The following MAP7D1 variants were observed in gnomAD, a reference collection of about 807,000 sequenced individuals.
The protein encoded by MAP7D1 is MAP7 domain-containing protein 1.
In MAP7D1, 30 loss-of-function variants were observed where a neutral mutation model predicts 97.5. That is an observed-to-expected ratio of 0.31 (90% CI 0.23 to 0.42). The LOEUF is 0.42. MAP7D1 is among the 10% of genes least tolerant of loss of function. The pLI is 1.00. For missense variants in MAP7D1, 1,184 were observed against 1,179.5 expected, an observed-to-expected ratio of 1.00 and a Z score of -0.06; for synonymous variants, 536 against 477.1, an observed-to-expected ratio of 1.12 and a Z score of -1.61.
chr1:36,178,137 G>C lies in MAP7D1; in HGVS notation c.1644G>C (p.Ser548=), dbSNP rs756685682. ...ESAAPASPAP[S]PAPSPTPAPP... ...CAGCCCCAGCCTCACCGGCACCTTC[G>C]CCGGCGCCCTCGCCCACCCCAGCCC... Residue 548 remains serine (S), a synonymous_variant, in exon 9 of 17, where the codon TCG becomes TCC. Coordinates refer to ENST00000474796, the MANE Select transcript of MAP7D1 (RefSeq NM_001388490.1). The C allele has an allele frequency of 6.3e-7, 1 of 1,584,526 alleles. No homozygotes were observed. Among genetic ancestry groups the C allele is most frequent in the South Asian group, 1.1e-5 (1 of 87,852 alleles).
chr1:36,178,380 C>T, intron 9 of MAP7D1, 39 bp from the exon 10 acceptor site: 3 of 1,587,500 alleles, frequency 1.9e-6, no homozygotes, highest in African/African-American at 1.3e-5. Context: ...GCGGTGTCTG[C>T]GTGGGTGTGC....
intron 4 of MAP7D1, 77 bp from the exon 5 acceptor site, chr1:36,173,287 G>A (rs573453080): frequency 1.9e-6 from 2 of 1,058,592 alleles, no homozygotes; most frequent in South Asian, 2.9e-5. Flanking sequence ...ATTGTCACAG[G>A]AGGAAGAAGG....
intron 4 of MAP7D1, 87 bp downstream of exon 4, chr1:36,172,714 G>A (rs764516417): frequency 1.5e-6 from 2 of 1,313,426 alleles, no homozygotes; most frequent in Non-Finnish European, 2.0e-6. Flanking sequence ...CATGTTCACG[G>A]CTCTGCCTTA....
intron 1 of MAP7D1, among the ~76,000 whole-genome samples, chr1:36,162,356 CT>C (rs1644424053): frequency 6.6e-6 from 1 of 152,230 alleles, no homozygotes. Context: ...GCACCCTTCA[CT>C]TTTGTGGGGG....
rs960980520 is a variant in MAP7D1, at chr1:36,171,394, C to A, written c.391+79C>A. On this transcript the variant is annotated intron_variant, in intron 2 of 16. Coordinates refer to ENST00000474796, the MANE Select transcript of MAP7D1 (RefSeq NM_001388490.1). ...CCTGGATCATGCCAACTGAAAGAGT[C>A]CTGTTTGCCCTAGAGGAGATAAAGA... 8 of 1,535,686 alleles carry A rather than the reference C, an allele frequency of 5.2e-6. No individual in the cohort carries two copies. The African/African-American group carries it at 8.2e-5, about 16-fold the overall frequency.
rs1248625008 is a variant in MAP7D1, at chr1:36,159,567, C to A, written c.46+3104C>A. ...AGAAGACCCAAGAAACAGGTGCAAC[C>A]GGCTATCCAGCACACCCATGCTGAT... On this transcript the variant is annotated intron_variant, in intron 1 of 16. Coordinates refer to ENST00000474796, the MANE Select transcript of MAP7D1 (RefSeq NM_001388490.1). This position sits in a 1 kb window ranked among gnomAD's most constrained non-coding sequence, Gnocchi z 5.4. Among the ~76,000 whole-genome samples, 1 of 152,160 alleles carries A rather than the reference C, an allele frequency of 6.6e-6. No individual in the cohort carries two copies. The highest frequency in any genetic ancestry group is 2.4e-5 in the African/African-American group (1 of 41,418).
Position 36,178,709 on chromosome 1 carries a change from ACGGGAGGCCGAGGCCCGGGCGGAG to A in MAP7D1, c.1920_1943del (p.Ala644_Arg651del), listed in dbSNP as rs1246896761. On this transcript the variant is annotated inframe_deletion, in exon 11 of 17. Transcript: ENST00000474796. ...GGCGAATGCGAGAGGAGCAGCTGGC[ACGGGAGGCCGAGGCCCGGGCGGAG>A]CGGGAGGCGGAGGCCCGGAGGCGGG... The A allele has an allele frequency of 6.5e-6, 10 of 1,534,734 alleles. No homozygotes were observed. In the East Asian group the frequency reaches 1.5e-4, roughly 23 times the overall value.
chr1:36,178,175 A>G lies in MAP7D1; in HGVS notation c.1682A>G (p.Glu561Gly), dbSNP rs1173740239. The change falls in exon 9 of 17, where the codon GAG (glutamate) becomes GGG (glycine). Residue 561 changes from glutamate (E) to glycine (G), a missense_variant. Transcript: ENST00000474796. ...CCCACCCCAGCCCCGCCCCAGAAGG[A>G]GCAGCCCCCCGCGGAGACCCCTACA... ...PSPTPAPPQK[E>G]QPPAETPTDA... is the part of the protein sequence containing the mutation. 4 of 1,507,064 alleles carry G rather than the reference A, an allele frequency of 2.7e-6. No individual in the cohort carries two copies. The highest frequency in any genetic ancestry group is 1.2e-5 in the South Asian group (1 of 85,082). The allele number at this position is 1,507,064 out of a possible 1,614,324, so 93.4% of individuals were successfully genotyped here.
intron 1 of MAP7D1, among the ~76,000 whole-genome samples, chr1:36,163,590 C>G (rs1356570551): frequency 1.3e-5 from 2 of 152,116 alleles, no homozygotes; most frequent in African/African-American, 4.8e-5. Context: ...TATTCAGGGT[C>G]AATAGTGTGC....
At chr1:36,178,355 C>T (rs550196672) in intron 9 of MAP7D1, 64 bp from the exon 10 acceptor site, 4 of 1,534,334 alleles carry the variant, frequency 2.6e-6, no homozygotes, top group East Asian at 4.6e-5. Context: ...GAACACAGGC[C>T]GCTGGGAGAT....
At chr1:36,162,584 G>A (rs527852172) in intron 1 of MAP7D1, among the ~76,000 whole-genome samples, 8 of 152,320 alleles carry the variant, frequency 5.3e-5, no homozygotes, top group African/African-American at 1.7e-4. Context: ...TGAAATGGGG[G>A]CCATCATAGA....
Position 36,175,779 on chromosome 1 carries a change from G to C in MAP7D1, c.851-420G>C, listed in dbSNP as rs181662664. Among the ~76,000 whole-genome samples the C allele has an allele frequency of 6.4e-3, 977 of 152,330 alleles. 1 individual carries two copies. The highest frequency in any genetic ancestry group is 0.01 in the Non-Finnish European group (708 of 68,032). ...GACTGCTAAAAGCTGGGTCAGAGGAGCACAAGGACCCTCACTGTCCTGAAT... is the reference window on the plus strand; with the variant it reads ...GACTGCTAAAAGCTGGGTCAGAGGACCACAAGGACCCTCACTGTCCTGAAT... On this transcript the variant is annotated intron_variant, in intron 6 of 16. Coordinates refer to ENST00000474796, the MANE Select transcript of MAP7D1 (RefSeq NM_001388490.1).
At chr1:36,173,525 G>A (rs1025471343) in intron 5 of MAP7D1, 47 bp downstream of exon 5, 4 of 1,428,076 alleles carry the variant, frequency 2.8e-6, no homozygotes, top group Non-Finnish European at 3.9e-6. Context: ...AGGCTGGGAT[G>A]GCAAGTAAGG....
At position 36,172,533 on chromosome 1, in the gene MAP7D1, A is replaced by G; in HGVS notation, c.530A>G (p.Glu177Gly). 1 of 1,602,640 alleles carries G rather than the reference A, an allele frequency of 6.2e-7. No individual in the cohort carries two copies. The highest frequency in any genetic ancestry group is 1.7e-5 in the Admixed American group (1 of 59,704). Residue 177 changes from glutamate to glycine, a missense_variant, in exon 4 of 17, where the codon GAG (glutamate) becomes GGG (glycine). By Grantham distance (98) the Glu-to-Gly change is moderately conservative. Transcript: ENST00000474796. ...GCGCTGCGGGAGAAGCAGCTCCAGG[A>G]GCGCCGGCGCCGGCTGGAGGAGCAA... ...AKALREKQLQ[E>G]RRRRLEEQRL... is the part of the protein sequence containing the mutation.
rs1479698148 is a variant in MAP7D1 at position 36,176,310 on chromosome 1, G to T, written c.962G>T (p.Gly321Val). 1.5e-5 allele frequency: 24 copies of T among 1,561,434 alleles called. No homozygotes were observed. The highest frequency in any genetic ancestry group is 1.6e-5 in the Non-Finnish European group (18 of 1,155,914). Reference protein sequence around the residue: ...SRSAVTLPRNGRDQGRGCDPG... With the variant: ...SRSAVTLPRNVRDQGRGCDPG... ...AGCGCGGTCACACTGCCCCGCAACG[G>T]CCGGGACCAGGGTAGGGGCTGCGAC... Residue 321 changes from glycine to valine, a missense_variant, in exon 7 of 17, where the codon GGC (glycine) becomes GTC (valine). By Grantham distance (109) the Gly-to-Val change is moderately radical (BLOSUM62 -3). Coordinates refer to ENST00000474796, the MANE Select transcript of MAP7D1 (RefSeq NM_001388490.1). The surrounding 1 kb of genome is among the most constrained non-coding windows in gnomAD (Gnocchi z 6.1).
At chr1:36,156,832 C>A (rs1486099164) in intron 1 of MAP7D1, among the ~76,000 whole-genome samples, 1 of 152,174 alleles carries the variant, frequency 6.6e-6, no homozygotes, top group African/African-American at 2.4e-5. Context: ...GGCTTCCGTC[C>A]CCTTCCCCAT....
Position 36,159,056 on chromosome 1 carries a change from T to TTATG in MAP7D1, c.46+2596_46+2597insGTAT, listed in dbSNP as rs1644375316. Among the ~76,000 whole-genome samples, 1 of 151,644 alleles carries TTATG rather than the reference T, an allele frequency of 6.6e-6. No individual in the cohort carries two copies. Among genetic ancestry groups the TTATG allele is most frequent in the Non-Finnish European group, 1.5e-5 (1 of 67,944 alleles). On this transcript the variant is annotated intron_variant, in intron 1 of 16. Coordinates refer to ENST00000474796, the MANE Select transcript of MAP7D1 (RefSeq NM_001388490.1). The surrounding 1 kb of genome is among the most constrained non-coding windows in gnomAD (Gnocchi z 5.4). ...ATTTGTTATTTATTTATTTATTTAT[T>TTATG]TATTTATTTATTTATTTTGAGACAG...
chr1:36,171,234 C>T lies in MAP7D1; in HGVS notation c.310C>T (p.Arg104Trp), dbSNP rs2296266. 2.8e-3 allele frequency: 4,458 copies of T among 1,610,352 alleles called. 87 individuals are homozygous for T. The East Asian group carries it at 0.039, about 14-fold the overall frequency. ...RGPTPPAMGPRDARPPRRSSQ... is the reference protein window; with the variant it reads ...RGPTPPAMGPWDARPPRRSSQ... ...ACCCACCCCACCAGCCATGGGCCCA[C>T]GGGATGCCAGACCTCCTCGAAGGAG... The change falls in exon 2 of 17, where the codon CGG becomes TGG. Residue 104 changes from arginine to tryptophan, a missense_variant. Coordinates refer to ENST00000474796, the MANE Select transcript of MAP7D1 (RefSeq NM_001388490.1).
chr1:36,178,788 G>A lies in MAP7D1; in HGVS notation c.1990G>A (p.Ala664Thr). Residue 664 changes from alanine (A) to threonine (T), a missense_variant, in exon 11 of 17, where the codon GCC (alanine) becomes ACC (threonine). Transcript: ENST00000474796. ...EEQEAREKAQ[A>T]EQEEQERLQK... ...GCAGGAGGCACGAGAGAAGGCGCAG[G>A]CCGAGCAGGAGGAGCAGGAGCGGCT... 1 of 1,547,558 alleles carries A rather than the reference G, an allele frequency of 6.5e-7. No individual in the cohort carries two copies. Among genetic ancestry groups the A allele is most frequent in the Non-Finnish European group, 8.7e-7 (1 of 1,145,840 alleles).
Sources: allele counts gnomAD v4.1 joint callset (sites outside exome capture counted in the v4.1 genomes callset), GRCh38; gene constraint gnomAD v4.1.1; non-coding constraint Gnocchi (gnomAD v3.1); transcripts MANE v1.5; gene names NCBI Gene and HGNC (gene_info 2026-07-23, HGNC 2026-07-21).